NRXN3: variants seen among roughly 807,000 people sequenced by gnomAD.
The protein encoded by NRXN3 is neurexin 3.
NRXN3 carries 32 observed loss-of-function variants against 137.6 expected under a neutral mutation model. That is an observed-to-expected ratio of 0.23 (90% CI 0.18 to 0.31). The LOEUF (loss-of-function observed/expected upper bound fraction) is 0.31, where lower values mean the gene tolerates loss of function less well. Ranked by LOEUF, NRXN3 falls within the 10% of genes least tolerant of loss-of-function variation. The pLI is 1.00. For synonymous variants in NRXN3, 798 were observed against 784.5 expected (o/e 1.02, Z -0.29); for missense variants, 1,574 against 2,062.5 (o/e 0.76, Z 4.59).
At chr14:79,538,161 T>C (rs549111940) in intron 16 of NRXN3, among the ~76,000 whole-genome samples, 22 of 152,340 alleles carry the variant, frequency 1.4e-4, no homozygotes, top group South Asian at 4.1e-4. Flanking sequence ...CTTGTAAATT[T>C]GTTTGAGTTC....
At chr14:79,003,126 C>A (rs369315920) in intron 15 of NRXN3, among the ~76,000 whole-genome samples, 2 of 152,070 alleles carry the variant, frequency 1.3e-5, no homozygotes, top group African/African-American at 4.8e-5. Context: ...CTACAGGAAC[C>A]CATCACAGTA....
rs1234027356 is a variant in NRXN3 at position 79,640,999 on chromosome 14, T to A, written c.3445-22779T>A. On this transcript the variant is annotated intron_variant, in intron 16 of 20. Coordinates refer to ENST00000335750, the MANE Select transcript of NRXN3 (RefSeq NM_001330195.2). ...CTATATTATCAGTTGCTGTTTAGAA[T>A]AAATTATAATCTCCACGTTTTTTTT... is the stretch of plus-strand genomic sequence containing the variant. 1.5e-5 allele frequency among the ~76,000 whole-genome samples: 2 copies of A among 134,058 alleles called. 1 individual carries two copies. Among genetic ancestry groups the A allele is most frequent in the Non-Finnish European group, 3.5e-5 (2 of 57,814 alleles). The allele number at this position is 134,058 out of a possible 152,430, so 87.9% of individuals were successfully genotyped here. A position where few individuals can be genotyped will look rare whatever the true frequency, so the allele number is the denominator to read the frequency against.
chr14:79,514,081 T>C (rs2096958866), intron 16 of NRXN3, among the ~76,000 whole-genome samples: 1 of 152,142 alleles, frequency 6.6e-6, no homozygotes, highest in African/African-American at 2.4e-5. Flanking sequence ...TTCATAGGAC[T>C]GAATCAGGAA....
At chr14:79,056,305 A>G (rs2152621122) in intron 15 of NRXN3, among the ~76,000 whole-genome samples, 1 of 152,342 alleles carries the variant, frequency 6.6e-6, no homozygotes, top group African/African-American at 2.4e-5. Flanking sequence ...GGAGAAAGTC[A>G]TAGGGAAACA....
At chr14:79,088,191 A>G (rs890959128) in intron 15 of NRXN3, among the ~76,000 whole-genome samples, 4 of 150,076 alleles carry the variant, frequency 2.7e-5, no homozygotes, top group Admixed American at 2.6e-4. Context: ...CACTTGAACT[A>G]TCTGAGCTTT....
chr14:79,353,308 T>C (rs2093296355), intron 15 of NRXN3, among the ~76,000 whole-genome samples: 1 of 152,100 alleles, frequency 6.6e-6, no homozygotes, highest in South Asian at 2.1e-4. Flanking sequence ...GAAACTATTC[T>C]GAATATGGAA....
chr14:79,302,329 C>T (rs181390184), intron 15 of NRXN3, among the ~76,000 whole-genome samples: 25 of 152,058 alleles, frequency 1.6e-4, no homozygotes, highest in Admixed American at 1.1e-3. Context: ...TTATTGGGCT[C>T]ATGGTTTTGC....
intron 10 of NRXN3, among the ~76,000 whole-genome samples, chr14:78,858,073 C>G (rs2099062372): frequency 6.6e-6 from 1 of 152,092 alleles, no homozygotes; most frequent in African/African-American, 2.4e-5. Context: ...AACCAGAAAA[C>G]TAATTTGCTA....
At chr14:78,530,400 T>TC (rs2096444040) in intron 4 of NRXN3, among the ~76,000 whole-genome samples, 2 of 152,112 alleles carry the variant, frequency 1.3e-5, no homozygotes, top group Admixed American at 6.5e-5. Flanking sequence ...CCTTTTTATT[T>TC]CCCCTTTCCC....
chr14:78,693,668 T>C (rs2098196090), intron 6 of NRXN3, among the ~76,000 whole-genome samples: 1 of 99,712 alleles, frequency 1.0e-5, no homozygotes, highest in African/African-American at 5.4e-5. Flanking sequence ...TGTGTGTGTG[T>C]GTGTGTGTGT....
chr14:78,451,126 C>T (rs911297736), intron 4 of NRXN3, among the ~76,000 whole-genome samples: 1 of 152,056 alleles, frequency 6.6e-6, no homozygotes, highest in East Asian at 1.9e-4. Flanking sequence ...GCTGCAGGGT[C>T]CTTGAGTCAT....
At chr14:79,675,644 A>G (rs1275763199) in intron 17 of NRXN3, among the ~76,000 whole-genome samples, 3 of 152,050 alleles carry the variant, frequency 2.0e-5, no homozygotes, top group Non-Finnish European at 4.4e-5. Context: ...GGTGACATAG[A>G]CCTACTGGTG....
intron 20 of NRXN3, among the ~76,000 whole-genome samples, chr14:79,824,211 T>C (rs772873549): frequency 2.0e-5 from 3 of 152,208 alleles, no homozygotes; most frequent in Non-Finnish European, 4.4e-5. Flanking sequence ...CTCTTCCTCT[T>C]CTGTCTCTCC....
intron 8 of NRXN3, among the ~76,000 whole-genome samples, chr14:78,741,796 G>A (rs769579355): frequency 1.1e-4 from 16 of 152,064 alleles, no homozygotes; most frequent in Non-Finnish European, 2.1e-4. Context: ...CCAAAACTTG[G>A]TACCCTTGGA....
rs182702835 is a variant in NRXN3 at position 79,371,753 on chromosome 14, T to C, written c.3263-95468T>C. On this transcript the variant is annotated intron_variant, in intron 15 of 20. Coordinates refer to ENST00000335750, the MANE Select transcript of NRXN3 (RefSeq NM_001330195.2). ...TATACGTTTGTGGGGAAAATTCTTATGCACCTTCATAGTAATGGTACTGCC... is the reference window on the plus strand; with the variant it reads ...TATACGTTTGTGGGGAAAATTCTTACGCACCTTCATAGTAATGGTACTGCC... Among the ~76,000 whole-genome samples, 524 of 152,248 alleles carry C rather than the reference T, an allele frequency of 3.4e-3. 1 individual carries two copies. Among genetic ancestry groups the C allele is most frequent in the Non-Finnish European group, 6.3e-3 (425 of 67,982 alleles).
intron 15 of NRXN3, among the ~76,000 whole-genome samples, chr14:79,212,436 A>G (rs185018211): frequency 9.3e-4 from 141 of 152,282 alleles, no homozygotes; most frequent in Admixed American, 2.4e-3. Flanking sequence ...CCTGGGGGAA[A>G]AGGGACAGGA....
At chr14:78,616,399 C>T (rs762401296) in intron 4 of NRXN3, among the ~76,000 whole-genome samples, 9 of 152,200 alleles carry the variant, frequency 5.9e-5, no homozygotes, top group Admixed American at 1.3e-4. Flanking sequence ...TGCAGGTTTC[C>T]GTTTAAACCC....
intron 16 of NRXN3, among the ~76,000 whole-genome samples, chr14:79,574,213 T>C (rs1544842): frequency 0.16 from 23,968 of 151,792 alleles, 2,376 homozygotes; most frequent in African/African-American, 0.28. Context: ...CAAATATGCG[T>C]GCATGCACCC....
At chr14:79,506,594 A>C (rs2096880848) in intron 16 of NRXN3, among the ~76,000 whole-genome samples, 1 of 152,120 alleles carries the variant, frequency 6.6e-6, no homozygotes, top group African/African-American at 2.4e-5. Context: ...CTCCTTTGTC[A>C]TTTTAAATTT....
Sources: gnomAD v4.1 joint callset for allele counts (sites outside exome capture counted in the v4.1 genomes callset) on GRCh38, gnomAD v4.1.1 for gene constraint, MANE v1.5 for transcripts, NCBI Gene and HGNC (gene_info 2026-07-23, HGNC 2026-07-21) for gene names.